The following ZNF107 variants were observed in gnomAD, a reference collection of about 807,000 sequenced individuals.
The protein encoded by ZNF107 is zinc finger protein 107.
A neutral mutation model predicts 12.3 loss-of-function variants in ZNF107; 19 were observed. The observed-to-expected ratio is 1.55, with a 90% CI of 1.08 to 2.27. The LOEUF (loss-of-function observed/expected upper bound fraction) is 2.27. Among genes scored for constraint, ZNF107 ranks in the 30% most tolerant of loss-of-function variants. The pLI, the probability that ZNF107 is intolerant of heterozygous loss-of-function variation, is 0.00. For synonymous variants in ZNF107, 317 were observed against 330.5 expected, an observed-to-expected ratio of 0.96 and a Z score of 0.44; for missense variants, 958 against 979.9, an observed-to-expected ratio of 0.98 and a Z score of 0.30.
chr7:64,687,486 G>A (rs767611372), intron 1 of ZNF107: 1 of 985,254 alleles, frequency 1.0e-6, no homozygotes, highest in Non-Finnish European at 1.2e-6. Flanking sequence ...GTGTGCTGGG[G>A]GCTCTGCCTC....
chr7:64,692,012 G>T, intron 3 of ZNF107, 52 bp downstream of exon 3: 2 of 1,259,950 alleles, frequency 1.6e-6, no homozygotes, highest in South Asian at 1.6e-5. Flanking sequence ...AAAGGTCAAA[G>T]GTCAAAGAAA....
At chr7:64,703,496 C>G (rs1405226775) in intron 3 of ZNF107, among the ~76,000 whole-genome samples, 1 of 152,166 alleles carries the variant, frequency 6.6e-6, no homozygotes, top group African/African-American at 2.4e-5. Flanking sequence ...GTGGTATGAT[C>G]TCAGCTCACT....
At chr7:64,683,262 G>C (rs1789758628) in intron 1 of ZNF107, among the ~76,000 whole-genome samples, 1 of 152,048 alleles carries the variant, frequency 6.6e-6, no homozygotes, top group African/African-American at 2.4e-5. Flanking sequence ...ACCACACAAG[G>C]GTCTTCCATT....
intron 3 of ZNF107, among the ~76,000 whole-genome samples, chr7:64,694,486 A>C (rs1790220912): frequency 1.3e-5 from 2 of 149,986 alleles, no homozygotes; most frequent in South Asian, 4.2e-4. Flanking sequence ...CTTATTTTTT[A>C]TTTATTTTCT....
chr7:64,706,184 G>A, intron 3 of ZNF107, 140 bp from the exon 4 acceptor site: 1 of 782,808 alleles, frequency 1.3e-6, no homozygotes. Context: ...ACATTTATAT[G>A]TCTATGAAGA....
At chr7:64,682,394 C>G (rs1789718235) in intron 1 of ZNF107, among the ~76,000 whole-genome samples, 1 of 152,094 alleles carries the variant, frequency 6.6e-6, no homozygotes, top group Non-Finnish European at 1.5e-5. Context: ...GTTTTGCCCT[C>G]TTAACAAAAC....
chr7:64,686,803 G>C lies in ZNF107; in HGVS notation c.4-4445G>C, dbSNP rs190529420. ...CCCGCCACTTTGCCCTGTAAAGACTGCTCTCCCTCACACCTCCGGGCTGAC... is the reference window on the plus strand; with the variant it reads ...CCCGCCACTTTGCCCTGTAAAGACTCCTCTCCCTCACACCTCCGGGCTGAC... On this transcript the variant is annotated intron_variant, in intron 1 of 3. Coordinates refer to ENST00000620827, the MANE Select transcript of ZNF107 (RefSeq NM_001282359.2). 2.0e-5 allele frequency: 18 copies of C among 878,752 alleles called. No individual in the cohort carries two copies. In the East Asian group the frequency reaches 1.9e-3, roughly 95 times the overall value. The allele number at this position is 878,752 out of a possible 1,614,324, so 54.4% of individuals were successfully genotyped here.
At position 64,666,204 on chromosome 7, in the gene ZNF107, C is replaced by A; in HGVS notation, c.-79C>A. 6.3e-7 allele frequency: 1 copy of A among 1,576,162 alleles called. No homozygotes were observed. ...GCTCAGTGTCCTCTGCTCCTAGAGG[C>A]CCAGCCTCTGTGTCCCTGTGACCTG... On this transcript the variant is annotated 5_prime_UTR_variant, in exon 1 of 4. Transcript: ENST00000620827.
chr7:64,666,247 A>G lies in ZNF107; in HGVS notation c.-36A>G. 6.2e-7 allele frequency: 1 copy of G among 1,607,234 alleles called. No individual in the cohort carries two copies. Among genetic ancestry groups the G allele is most frequent in the Non-Finnish European group, 8.5e-7 (1 of 1,176,200 alleles). ...GTGACCTGCAGATATTGGGAGATCC[A>G]CAGCTAAGACGCCGGGACTCCCTGG... On this transcript the variant is annotated 5_prime_UTR_variant, in exon 1 of 4. Transcript: ENST00000620827.
At chr7:64,675,705 C>CT (rs1435256798) in intron 1 of ZNF107, among the ~76,000 whole-genome samples, 1 of 152,102 alleles carries the variant, frequency 6.6e-6, no homozygotes, top group Non-Finnish European at 1.5e-5. Flanking sequence ...AAATTGAGAT[C>CT]TTTTTAACTT....
intron 1 of ZNF107, among the ~76,000 whole-genome samples, chr7:64,683,095 C>T (rs2128960097): frequency 6.6e-6 from 1 of 152,326 alleles, no homozygotes; most frequent in South Asian, 2.1e-4. Context: ...GGCTGCTGCA[C>T]TTCCACCCTC....
At chr7:64,693,883 G>C (rs1427598477) in intron 3 of ZNF107, among the ~76,000 whole-genome samples, 1 of 152,030 alleles carries the variant, frequency 6.6e-6, no homozygotes, top group African/African-American at 2.4e-5. Context: ...TTGCCTCCCG[G>C]GTTCAAGCGA....
Position 64,672,618 on chromosome 7 carries a change from T to C in ZNF107, c.3+6333T>C, listed in dbSNP as rs186798347. 4.9e-4 allele frequency among the ~76,000 whole-genome samples: 75 copies of C among 152,272 alleles called. No individual in the cohort carries two copies. The Middle Eastern group carries it at 0.01, about 21-fold the overall frequency. ...GTTCCGCAAATCTGCATGCCTCAGC[T>C]TACGAAAGTGCTGTGGTTACAGGTG... On this transcript the variant is annotated intron_variant, in intron 1 of 3. Transcript: ENST00000620827.
intron 1 of ZNF107, among the ~76,000 whole-genome samples, chr7:64,678,233 A>G (rs1307593883): frequency 6.6e-6 from 1 of 152,230 alleles, no homozygotes; most frequent in Non-Finnish European, 1.5e-5. Context: ...AGAGCACACA[A>G]AAGTTGAGCA....
intron 3 of ZNF107, among the ~76,000 whole-genome samples, chr7:64,695,278 A>G (rs958682645): frequency 1.3e-5 from 2 of 152,066 alleles, no homozygotes; most frequent in African/African-American, 2.4e-5. Context: ...TCTCATTAGC[A>G]TCTTCTATTT....
At chr7:64,675,805 T>A (rs1789394789) in intron 1 of ZNF107, among the ~76,000 whole-genome samples, 1 of 152,210 alleles carries the variant, frequency 6.6e-6, no homozygotes, top group Non-Finnish European at 1.5e-5. Flanking sequence ...TCCAAAGAAT[T>A]TCTTGATTTC....
chr7:64,704,493 C>G (rs551752550), intron 3 of ZNF107, among the ~76,000 whole-genome samples: 1 of 152,094 alleles, frequency 6.6e-6, no homozygotes, highest in East Asian at 1.9e-4. Flanking sequence ...ATCTGCCCGT[C>G]TCAGCCTCCC....
At chr7:64,678,064 T>C (rs1436695082) in intron 1 of ZNF107, among the ~76,000 whole-genome samples, 1 of 152,210 alleles carries the variant, frequency 6.6e-6, no homozygotes, top group African/African-American at 2.4e-5. Flanking sequence ...ACATAAATTA[T>C]ATTAACAGCT....
At chr7:64,690,277 A>G in intron 1 of ZNF107, 1 of 736,796 alleles carries the variant, frequency 1.4e-6, no homozygotes, top group Non-Finnish European at 1.7e-6. Context: ...AAACCCCAGG[A>G]GATTTGTTTA....
Sources: allele counts gnomAD v4.1 joint callset (sites outside exome capture counted in the v4.1 genomes callset), GRCh38; gene constraint gnomAD v4.1.1; transcripts MANE v1.5; gene names NCBI Gene and HGNC (gene_info 2026-07-23, HGNC 2026-07-21).